ANO3: variants seen among roughly 807,000 people sequenced by gnomAD.
ANO3 encodes the protein anoctamin 3.
In ANO3, 99 loss-of-function variants were observed where a neutral mutation model predicts 144.8. The observed-to-expected ratio is 0.68, with a 90% CI of 0.58 to 0.81. The LOEUF is 0.81. ANO3 is among the 30% of genes least tolerant of loss of function. ANO3 has a pLI of 0.00. For synonymous variants in ANO3, 414 were observed against 392.6 expected (o/e 1.05, Z -0.64); for missense variants, 905 against 1,202.2 (o/e 0.75, Z 3.66).
chr11:26,657,429 T>G (rs1246011576), intron 26 of ANO3, among the ~76,000 whole-genome samples: 2 of 152,110 alleles, frequency 1.3e-5, no homozygotes, highest in African/African-American at 4.8e-5. Context: ...ACCCGGTGAT[T>G]AAAAAAACTT....
intron 4 of ANO3, among the ~76,000 whole-genome samples, chr11:26,500,021 A>G (rs1861128896): frequency 6.6e-6 from 1 of 151,830 alleles, no homozygotes; most frequent in African/African-American, 2.4e-5. Flanking sequence ...ATCTCTATGT[A>G]TTTACCTACT....
rs1042669840 is a variant in ANO3, at chr11:26,613,918, C to G, written c.1837-10544C>G. Among the ~76,000 whole-genome samples the G allele has an allele frequency of 3.3e-5, 5 of 152,348 alleles. No individual in the cohort carries two copies. The East Asian group carries it at 7.7e-4, about 24-fold the overall frequency. On this transcript the variant is annotated intron_variant, in intron 17 of 26. Transcript: ENST00000256737. The stretch of plus-strand genomic sequence containing the variant: ...TTTCCTGCAGAGGCACTGGCCATTT[C>G]CAGGCTGGCTGTCAGAAGCCAAGCA...
chr11:26,291,354 C>G (rs1233737896), intron 1 of ANO3, among the ~76,000 whole-genome samples: 3 of 152,124 alleles, frequency 2.0e-5, no homozygotes, highest in Non-Finnish European at 4.4e-5. Flanking sequence ...GGTCTTGACC[C>G]TTTATCCAAT....
At position 26,334,082 on chromosome 11, in the gene ANO3, G is replaced by A. The variant is rs144089502; in HGVS notation, c.46+1761G>A. Among the ~76,000 whole-genome samples the A allele has an allele frequency of 4.9e-3, 751 of 152,294 alleles. 3 individuals carry two copies. The highest frequency in any genetic ancestry group is 8.2e-3 in the Non-Finnish European group (558 of 68,036). ...GGAAATAATTGACAACTGTAGGTCC[G>A]ACCGTCATTGCTCAAAGAGAGTGAT... On this transcript the variant is annotated intron_variant, in intron 1 of 26. Coordinates refer to ENST00000256737, the MANE Select transcript of ANO3 (RefSeq NM_031418.4).
rs72879840 is a variant in ANO3 at position 26,620,071 on chromosome 11, C to T, written c.1837-4391C>T. On this transcript the variant is annotated intron_variant, in intron 17 of 26. Transcript: ENST00000256737. Reference sequence around the variant, plus strand: ...CAACTACAAAGACAGAATTTGAAACCGAGAATTGCTCTTTCCTAGGCCTAC... The same window carrying T: ...CAACTACAAAGACAGAATTTGAAACTGAGAATTGCTCTTTCCTAGGCCTAC... 8.8e-3 allele frequency among the ~76,000 whole-genome samples: 1,336 copies of T among 152,130 alleles called. 17 individuals are homozygous for T. The highest frequency in any genetic ancestry group is 0.01 in the Non-Finnish European group (706 of 67,990).
rs199881832 is a variant in ANO3, at chr11:26,596,193, T to C, written c.1448-2172T>C. 1.8e-4 allele frequency among the ~76,000 whole-genome samples: 27 copies of C among 151,698 alleles called. No individual in the cohort carries two copies. The South Asian group carries it at 1.9e-3, about 10-fold the overall frequency. The stretch of plus-strand genomic sequence containing the variant: ...TCTATCTTTCTCTTTCTCTCTTTCT[T>C]CTTTGACTTTCTGTCTCTCTCTGTT... On this transcript the variant is annotated intron_variant, in intron 14 of 26. Transcript: ENST00000256737.
upstream of ANO3, among the ~76,000 whole-genome samples, chr11:26,329,325 CACAGAGAGAG>C (rs1163353021): frequency 9.4e-5 from 10 of 106,582 alleles, no homozygotes; most frequent in African/African-American, 2.7e-4. Context: ...CACACACACA[CACAGAGAGAG>C]AGAGAGAGAG....
At chr11:26,202,229 T>TTA (rs199957915) in intron 1 of ANO3, among the ~76,000 whole-genome samples, 3,591 of 145,866 alleles carry the variant, frequency 0.025, 65 homozygotes, top group Non-Finnish European at 0.036. Flanking sequence ...CCTTTTATAT[T>TTA]TATATATATA....
At chr11:26,369,330 A>G (rs1258197163) in intron 1 of ANO3, among the ~76,000 whole-genome samples, 2 of 152,046 alleles carry the variant, frequency 1.3e-5, no homozygotes, top group Admixed American at 1.3e-4. Flanking sequence ...AAGAAACTAT[A>G]TCATTTCTCT....
upstream of ANO3, among the ~76,000 whole-genome samples, chr11:26,305,290 G>C (rs1564957559): frequency 6.6e-6 from 1 of 151,770 alleles, no homozygotes; most frequent in Admixed American, 6.6e-5. Context: ...TTGAGTCAGC[G>C]TATGATTAAA....
At chr11:26,441,486 T>C (rs1420151522) in intron 1 of ANO3, among the ~76,000 whole-genome samples, 1 of 152,260 alleles carries the variant, frequency 6.6e-6, no homozygotes, top group South Asian at 2.1e-4. Flanking sequence ...GGACATTATG[T>C]ATGTGTTTAA....
chr11:26,195,591 A>G (rs2133907118), intron 1 of ANO3, among the ~76,000 whole-genome samples: 1 of 152,338 alleles, frequency 6.6e-6, no homozygotes, highest in Middle Eastern at 3.4e-3. Flanking sequence ...AGATGGGCAT[A>G]GCTAAATTTA....
chr11:26,521,173 A>C (rs1394726897), intron 6 of ANO3, among the ~76,000 whole-genome samples: 3 of 152,336 alleles, frequency 2.0e-5, no homozygotes, highest in Non-Finnish European at 4.4e-5. Flanking sequence ...TGGCCAATCT[A>C]GTCTCCAATT....
chr11:26,329,982 C>T (rs1242327621), upstream of ANO3, among the ~76,000 whole-genome samples: 2 of 151,966 alleles, frequency 1.3e-5, no homozygotes, highest in Non-Finnish European at 2.9e-5. Context: ...GGCGAGGGGA[C>T]TTTAATTCTT....
At chr11:26,283,677 A>C (rs1159336483) in intron 1 of ANO3, among the ~76,000 whole-genome samples, 1 of 152,132 alleles carries the variant, frequency 6.6e-6, no homozygotes, top group Non-Finnish European at 1.5e-5. Flanking sequence ...GAATCAATCT[A>C]TTTATCTATT....
intron 1 of ANO3, among the ~76,000 whole-genome samples, chr11:26,352,493 C>G (rs1855673965): frequency 6.6e-6 from 1 of 152,162 alleles, no homozygotes; most frequent in Non-Finnish European, 1.5e-5. Context: ...TTTACTCCCT[C>G]TCTTCCCCTG....
At chr11:26,557,208 T>C (rs1850107792) in intron 13 of ANO3, among the ~76,000 whole-genome samples, 1 of 152,036 alleles carries the variant, frequency 6.6e-6, no homozygotes, top group Admixed American at 6.6e-5. Context: ...ACACCAGTAA[T>C]CCCAGCACTT....
At chr11:26,452,079 C>G (rs561049174) in intron 3 of ANO3, among the ~76,000 whole-genome samples, 1 of 152,316 alleles carries the variant, frequency 6.6e-6, no homozygotes, top group South Asian at 2.1e-4. Context: ...AAAAGCCCAT[C>G]TGTACATCAC....
intron 4 of ANO3, among the ~76,000 whole-genome samples, chr11:26,484,774 C>G (rs1396010976): frequency 6.6e-6 from 1 of 152,134 alleles, no homozygotes; most frequent in African/African-American, 2.4e-5. Flanking sequence ...AGGTTTGTAC[C>G]CTGCAGAGCC....
Sources: allele counts gnomAD v4.1 joint callset (sites outside exome capture counted in the v4.1 genomes callset), GRCh38; gene constraint gnomAD v4.1.1; transcripts MANE v1.5; gene names NCBI Gene and HGNC (gene_info 2026-07-23, HGNC 2026-07-21).